Variants in FAM199X observed in about 807,000 individuals in gnomAD.
The protein encoded by FAM199X is family with sequence similarity 199, X-linked, also known as protein FAM199X.
FAM199X carries 4 observed loss-of-function variants against 22.9 expected under a neutral mutation model. The observed-to-expected ratio is 0.17, with a 90% CI of 0.09 to 0.40. The LOEUF (loss-of-function observed/expected upper bound fraction) is 0.40. FAM199X is among the 10% of genes least tolerant of loss of function. FAM199X has a pLI of 1.00. For synonymous variants in FAM199X, 101 were observed against 112.3 expected (o/e 0.90, Z 0.64); for missense variants, 183 against 306.8 (o/e 0.60, Z 3.01).
rs189144396 is a variant in FAM199X at position 104,183,533 on chromosome X, C to T, written c.418-2533C>T. Among the ~76,000 whole-genome samples, 644 of 109,877 alleles carry T rather than the reference C, an allele frequency of 5.9e-3. 7 individuals are homozygous for T. Among genetic ancestry groups the T allele is most frequent in the African/African-American group, 0.02 (604 of 30,203 alleles). ...ACGCTGGAGTGCAGTGGCACGATCT[C>T]GGCTCACTGCAACCTCCACCTCCTG... On this transcript the variant is annotated intron_variant, in intron 2 of 5. Transcript: ENST00000493442.
At position 104,186,060 on chromosome X, in the gene FAM199X, A is replaced by G; in HGVS notation, c.418-6A>G. ...CCTTCCCCACACCCTCCTTATTTTT[A>G]TAAAGTTACCAGGCAGTGACATTGC... On this transcript the variant is annotated splice_region_variant and splice_polypyrimidine_tract_variant and intron_variant, in intron 2 of 5. Transcript: ENST00000493442. 1 of 1,200,484 alleles carries G rather than the reference A, an allele frequency of 8.3e-7. No individual in the cohort carries two copies. Among genetic ancestry groups the G allele is most frequent in the Non-Finnish European group, 1.1e-6 (1 of 891,706 alleles).
chrX:104,166,080 C>T (rs782149729), upstream of FAM199X, among the ~76,000 whole-genome samples: 1 of 112,416 alleles, frequency 8.9e-6, no homozygotes, highest in Non-Finnish European at 1.9e-5. Flanking sequence ...CCTCATTGCA[C>T]GGTGCTGGGC....
rs1921196839 is a variant in FAM199X, at chrX:104,166,605, C to T, written c.-181C>T. 5.3e-6 allele frequency: 2 copies of T among 375,075 alleles called. No homozygotes were observed. Among genetic ancestry groups the T allele is most frequent in the Admixed American group, 1.2e-4 (2 of 16,738 alleles). The allele number at this position is 375,075 out of a possible 1,213,427, so 30.9% of individuals were successfully genotyped here. A position where few individuals can be genotyped will look rare whatever the true frequency, so the allele number is the denominator to read the frequency against. Reference sequence around the variant, plus strand: ...GTGGGCCGCTGTGGCCTCGAGCAGCCTCTTCGCGCGGCCCCGCACCCCGGC... The same window carrying T: ...GTGGGCCGCTGTGGCCTCGAGCAGCTTCTTCGCGCGGCCCCGCACCCCGGC... On this transcript the variant is annotated 5_prime_UTR_variant, in exon 1 of 6. Coordinates refer to ENST00000493442, the MANE Select transcript of FAM199X (RefSeq NM_207318.4).
chrX:104,171,514 C>T (rs1921352779), intron 1 of FAM199X, among the ~76,000 whole-genome samples: 1 of 111,916 alleles, frequency 8.9e-6, no homozygotes, highest in African/African-American at 3.2e-5. Context: ...ACTGACAGAA[C>T]AGTCTGAAAG....
Position 104,189,712 on chromosome X carries a change from C to G in FAM199X, c.1101C>G (p.Asn367Lys), listed in dbSNP as rs782461144. ...RKERLSGLFL[N>K]EEVLSLKVTE... ...AGAGGCTCAGTGGGCTCTTCCTTAA[C>G]GAAGAGGTGCTGTCCTTGAAAGTGA... Residue 367 changes from asparagine to lysine, a missense_variant, in exon 6 of 6, where the codon AAC (asparagine) becomes AAG (lysine). By Grantham distance (94) the Asn-to-Lys change is moderately conservative. Around this residue, in one of 2 missense-constraint regions of FAM199X, gnomAD observed 128 missense variants for 246.2 expected, o/e 0.52. Transcript: ENST00000493442. The G allele has an allele frequency of 8.3e-7, 1 of 1,209,385 alleles. No homozygotes were observed. Among genetic ancestry groups the G allele is most frequent in the Non-Finnish European group, 1.1e-6 (1 of 894,770 alleles).
At chrX:104,167,152 C>T (rs956526272) in intron 1 of FAM199X, among the ~76,000 whole-genome samples, 170 bp downstream of exon 1, 1 of 102,762 alleles carries the variant, frequency 9.7e-6, no homozygotes, top group Non-Finnish European at 2.0e-5. Flanking sequence ...CACCCCTGCC[C>T]TCCTATTTTC....
At chrX:104,163,513 A>G (rs782650314), upstream of FAM199X, among the ~76,000 whole-genome samples, 2 of 111,899 alleles carry the variant, frequency 1.8e-5, no homozygotes, top group East Asian at 2.8e-4. Context: ...AAGTGAGACA[A>G]GAAGGCAGGA....
At chrX:104,189,058 C>T (rs1269885515) in intron 5 of FAM199X, among the ~76,000 whole-genome samples, 1 of 111,621 alleles carries the variant, frequency 9.0e-6, no homozygotes, top group East Asian at 2.8e-4. Flanking sequence ...GTGGTCATTC[C>T]TTTTTATTAT....
At position 104,175,761 on chromosome X, in the gene FAM199X, T is replaced by C; in HGVS notation, c.336T>C (p.Phe112=). 1 of 1,211,357 alleles carries C rather than the reference T, an allele frequency of 8.3e-7. No homozygotes were observed. Among genetic ancestry groups the C allele is most frequent in the South Asian group, 1.8e-5 (1 of 56,993 alleles). The change falls in exon 2 of 6, where the codon TTT becomes TTC. Residue 112 remains phenylalanine (F), a synonymous_variant. Coordinates refer to ENST00000493442, the MANE Select transcript of FAM199X (RefSeq NM_207318.4). ...DDQDFTSFDL[F]PEGSVCSDVS... is the part of the protein sequence containing the mutation. ...AGGACTTCACTTCTTTTGATTTATT[T>C]CCTGAGGGGAGTGTCTGCAGTGATG...
intron 2 of FAM199X, among the ~76,000 whole-genome samples, chrX:104,176,479 C>T (rs1384928192): frequency 8.9e-6 from 1 of 112,148 alleles, no homozygotes; most frequent in Non-Finnish European, 1.9e-5. Context: ...AGACGTTTTC[C>T]CTGCCTACAG....
Position 104,166,645 on chromosome X carries a change from C to G in FAM199X, c.-141C>G, listed in dbSNP as rs1200477432. On this transcript the variant is annotated 5_prime_UTR_variant, in exon 1 of 6. Coordinates refer to ENST00000493442, the MANE Select transcript of FAM199X (RefSeq NM_207318.4). ...CGCACCCCGGCAAGCAGCAGCGGGC[C>G]GCGACGCCCAGCCTGCCAGTGAGCT... is the stretch of plus-strand genomic sequence containing the variant. 7 of 517,847 alleles carry G rather than the reference C, an allele frequency of 1.4e-5. No individual in the cohort carries two copies. The highest frequency in any genetic ancestry group is 6.3e-4 in the Middle Eastern group (1 of 1,600). The allele number at this position is 517,847 out of a possible 1,213,427, so 42.7% of individuals were successfully genotyped here.
Position 104,190,198 on chromosome X carries a change from T to G in FAM199X, c.*420T>G, listed in dbSNP as rs1487995187. ...CAAGGTACTGCTGACAGTAGTTTAT[T>G]ATGTCAGTATACATACATGTGTAGA... is the stretch of plus-strand genomic sequence containing the variant. On this transcript the variant is annotated 3_prime_UTR_variant, in exon 6 of 6. Transcript: ENST00000493442. The G allele has an allele frequency of 8.3e-6, 1 of 120,509 alleles. No homozygotes were observed. The highest frequency in any genetic ancestry group is 1.7e-5 in the Non-Finnish European group (1 of 58,250). The allele number at this position is 120,509 out of a possible 1,213,427, so 9.9% of individuals were successfully genotyped here.
chrX:104,192,182 G>C lies in FAM199X; in HGVS notation c.*2404G>C, dbSNP rs1466367313. 5 of 111,686 alleles carry C rather than the reference G, an allele frequency of 4.5e-5. No individual in the cohort carries two copies. The highest frequency in any genetic ancestry group is 1.6e-4 in the African/African-American group (5 of 30,834). 9.2% of individuals were successfully genotyped at this position (111,686 alleles called of 1,213,427 possible). On this transcript the variant is annotated 3_prime_UTR_variant, in exon 6 of 6. Coordinates refer to ENST00000493442, the MANE Select transcript of FAM199X (RefSeq NM_207318.4). ...AAAAAGCTCTTTGGTGTCTGTTCAT[G>C]TGCTGTACATTTTTTCCGTTTTAAT...
intron 2 of FAM199X, among the ~76,000 whole-genome samples, chrX:104,183,251 CTT>C (rs1170558395): frequency 4.0e-5 from 4 of 99,831 alleles, no homozygotes; most frequent in South Asian, 4.4e-4. Flanking sequence ...AGAAGTATCT[CTT>C]TTTTTTTTTT....
At chrX:104,166,002 G>C (rs1602511710), upstream of FAM199X, among the ~76,000 whole-genome samples, 1 of 112,009 alleles carries the variant, frequency 8.9e-6, no homozygotes, top group Non-Finnish European at 1.9e-5. Context: ...GCAGCGTAGG[G>C]TTCTTGGAGT....
upstream of FAM199X, among the ~76,000 whole-genome samples, chrX:104,161,540 A>G (rs1456824108): frequency 8.9e-6 from 1 of 112,042 alleles, no homozygotes; most frequent in African/African-American, 3.2e-5. Flanking sequence ...AATATATCTT[A>G]TGTTCTTTTT....
At position 104,193,724 on chromosome X, in the gene FAM199X, T is replaced by TG. The variant is rs1185267433; in HGVS notation, c.*3947dup. Reference sequence around the variant, plus strand: ...GAAGTAAATTTAATTCTGAAAGGACTGTTAGTTAGGAAATAAGTATTTGTA... The same window carrying TG: ...GAAGTAAATTTAATTCTGAAAGGACTGGTTAGTTAGGAAATAAGTATTTGTA... On this transcript the variant is annotated 3_prime_UTR_variant, in exon 6 of 6. Transcript: ENST00000493442. 1.8e-5 allele frequency: 2 copies of TG among 112,149 alleles called. No homozygotes were observed. Among genetic ancestry groups the TG allele is most frequent in the Non-Finnish European group, 3.8e-5 (2 of 53,034 alleles). The allele number at this position is 112,149 out of a possible 1,213,427, so 9.2% of individuals were successfully genotyped here.
At chrX:104,165,539 A>C (rs782582331), upstream of FAM199X, among the ~76,000 whole-genome samples, 1 of 112,303 alleles carries the variant, frequency 8.9e-6, no homozygotes, top group Non-Finnish European at 1.9e-5. Context: ...TTATGCTCTT[A>C]TATGAAAATG....
chrX:104,193,580 A>G lies in FAM199X; in HGVS notation c.*3802A>G, dbSNP rs1446754806. On this transcript the variant is annotated 3_prime_UTR_variant, in exon 6 of 6. Coordinates refer to ENST00000493442, the MANE Select transcript of FAM199X (RefSeq NM_207318.4). ...TCTTCAAGGAAAAACATTTGTTTGG[A>G]ATTGAAGGGTACTCGCAGTCCGTTT... 5.3e-5 allele frequency: 3 copies of G among 56,357 alleles called. No individual in the cohort carries two copies. Among genetic ancestry groups the G allele is most frequent in the South Asian group, 7.2e-4 (1 of 1,393 alleles). The allele number at this position is 56,357 out of a possible 1,213,427, so 4.6% of individuals were successfully genotyped here. A position where few individuals can be genotyped will look rare whatever the true frequency, so the allele number is the denominator to read the frequency against.
Sources: gnomAD v4.1 joint callset for allele counts (sites outside exome capture counted in the v4.1 genomes callset) on GRCh38, gnomAD v4.1.1 for gene constraint, gnomAD v4.1.1 regional missense constraint, MANE v1.5 for transcripts, NCBI Gene and HGNC (gene_info 2026-07-23, HGNC 2026-07-21) for gene names.